The following DGKB variants were observed in gnomAD, a reference collection of about 807,000 sequenced individuals.
DGKB encodes the protein 90 kDa diacylglycerol kinase.
Under a neutral mutation model 114.3 loss-of-function variants are expected in DGKB, and 67 were observed. The ratio of observed to expected loss-of-function variants is 0.59; its 90% CI spans 0.48 to 0.72. DGKB has a LOEUF of 0.72. DGKB is among the 30% of genes least tolerant of loss of function. The pLI is 0.00. For missense variants in DGKB, 907 were observed against 975.2 expected, an observed-to-expected ratio of 0.93 and a Z score of 0.93; for synonymous variants, 398 against 323.1, an observed-to-expected ratio of 1.23 and a Z score of -2.49.
chr7:14,929,794 CCTAGA>C (rs906946976), intron 1 of DGKB, among the ~76,000 whole-genome samples: 2 of 152,004 alleles, frequency 1.3e-5, no homozygotes, highest in African/African-American at 4.8e-5. Context: ...GAATTCTTTG[CCTAGA>C]CTAATGTCCA....
At chr7:14,210,473 T>G (rs1474780511) in intron 23 of DGKB, among the ~76,000 whole-genome samples, 1 of 152,126 alleles carries the variant, frequency 6.6e-6, no homozygotes, top group Non-Finnish European at 1.5e-5. Flanking sequence ...TTTAAAATCC[T>G]ATTTCTAAAT....
chr7:14,921,249 T>A (rs1039672202), intron 1 of DGKB, among the ~76,000 whole-genome samples: 1 of 152,274 alleles, frequency 6.6e-6, no homozygotes, highest in Non-Finnish European at 1.5e-5. Flanking sequence ...TGTGGATGCA[T>A]GAAATAACAT....
intron 17 of DGKB, among the ~76,000 whole-genome samples, chr7:14,592,401 T>C (rs1343846808): frequency 6.6e-6 from 1 of 151,946 alleles, no homozygotes; most frequent in Non-Finnish European, 1.5e-5. Context: ...AGCATACTTA[T>C]CTCTGATTAT....
chr7:14,765,848 T>C (rs757575897), intron 2 of DGKB, among the ~76,000 whole-genome samples: 5 of 151,942 alleles, frequency 3.3e-5, no homozygotes, highest in Non-Finnish European at 5.9e-5. Context: ...TGTGGACCAA[T>C]AGTGTGCTGG....
At chr7:14,458,216 T>C (rs563888097) in intron 21 of DGKB, among the ~76,000 whole-genome samples, 35 of 152,292 alleles carry the variant, frequency 2.3e-4, no homozygotes, top group Admixed American at 5.9e-4. Context: ...TAAAATTAGA[T>C]CCCCAAATTT....
chr7:14,784,892 T>G (rs925102691), intron 2 of DGKB, among the ~76,000 whole-genome samples: 1 of 150,864 alleles, frequency 6.6e-6, no homozygotes, highest in African/African-American at 2.5e-5. Context: ...CTACAATATA[T>G]TCTATGTGTA....
intron 22 of DGKB, among the ~76,000 whole-genome samples, chr7:14,344,997 A>G (rs1812243316): frequency 6.6e-6 from 1 of 151,714 alleles, no homozygotes; most frequent in African/African-American, 2.4e-5. Context: ...TTTTCTTCCC[A>G]ACTACTTTTA....
chr7:14,457,225 G>A (rs1001286386), intron 21 of DGKB, among the ~76,000 whole-genome samples: 1 of 152,098 alleles, frequency 6.6e-6, no homozygotes, highest in African/African-American at 2.4e-5. Flanking sequence ...AAAAAGGACT[G>A]CGTTATTAAC....
chr7:14,876,326 A>T (rs1456050393), intron 1 of DGKB, among the ~76,000 whole-genome samples: 1 of 152,176 alleles, frequency 6.6e-6, no homozygotes, highest in Admixed American at 6.5e-5. Context: ...GTGAGCTGCT[A>T]CTCTCTGCCT....
intron 8 of DGKB, among the ~76,000 whole-genome samples, chr7:14,694,431 C>T (rs1823453085): frequency 6.6e-6 from 1 of 152,112 alleles, no homozygotes; most frequent in South Asian, 2.1e-4. Context: ...AATATTTTTC[C>T]CATGAACAGC....
At chr7:14,481,427 A>G (rs779057022) in intron 20 of DGKB, among the ~76,000 whole-genome samples, 3 of 151,950 alleles carry the variant, frequency 2.0e-5, no homozygotes, top group Non-Finnish European at 4.4e-5. Context: ...TATTGTCTTT[A>G]TAAAATGTAA....
At chr7:14,490,950 A>T (rs912068523) in intron 20 of DGKB, among the ~76,000 whole-genome samples, 6 of 146,872 alleles carry the variant, frequency 4.1e-5, no homozygotes, top group Non-Finnish European at 6.0e-5. Context: ...AATTGTGGTA[A>T]TTTTTTTTTT....
chr7:14,524,413 C>A lies in DGKB; in HGVS notation c.1771-46188G>T, dbSNP rs552881992. On this transcript the variant is annotated intron_variant, in intron 20 of 25. Transcript: ENST00000402815. ...CCCGTCTCTTGGGCTATCTTCAAAC[C>A]CTGCTTACACCTTGAGACATAGTCT... is the stretch of plus-strand genomic sequence containing the variant. Among the ~76,000 whole-genome samples the A allele has an allele frequency of 5.3e-5, 8 of 152,244 alleles. No individual in the cohort carries two copies. In the East Asian group the frequency reaches 1.5e-3, roughly 29 times the overall value.
intron 20 of DGKB, among the ~76,000 whole-genome samples, chr7:14,570,314 T>C (rs1237277381): frequency 2.6e-5 from 4 of 152,046 alleles, no homozygotes; most frequent in Non-Finnish European, 5.9e-5. Flanking sequence ...GTCTCATTTC[T>C]ATTATAGCTT....
chr7:14,602,390 A>G (rs1310347362), intron 17 of DGKB, among the ~76,000 whole-genome samples: 2 of 152,144 alleles, frequency 1.3e-5, no homozygotes, highest in African/African-American at 4.8e-5. Context: ...ATTTTGGGGG[A>G]CCCAATCCAG....
intron 1 of DGKB, among the ~76,000 whole-genome samples, chr7:14,958,216 A>C (rs1264729327): frequency 6.6e-6 from 1 of 152,058 alleles, no homozygotes; most frequent in African/African-American, 2.4e-5. Flanking sequence ...AGTTTTTCTA[A>C]GAGCTGCAAA....
intron 1 of DGKB, among the ~76,000 whole-genome samples, chr7:14,923,708 G>C (rs191428302): frequency 2.0e-5 from 3 of 152,026 alleles, no homozygotes; most frequent in African/African-American, 7.2e-5. Flanking sequence ...TAAAAGCTTT[G>C]TCCTGGCCGG....
chr7:14,964,931 C>A (rs540623059), intron 1 of DGKB, among the ~76,000 whole-genome samples: 67 of 151,916 alleles, frequency 4.4e-4, no homozygotes, highest in Non-Finnish European at 6.8e-4. Flanking sequence ...ACAATGATTA[C>A]AATTTGAATA....
intron 25 of DGKB, among the ~76,000 whole-genome samples, chr7:14,157,292 A>G (rs1353626428): frequency 1.3e-5 from 2 of 152,126 alleles, no homozygotes; most frequent in African/African-American, 2.4e-5. Flanking sequence ...GCGGGAATAA[A>G]GTACATGCTA....
Sources: allele counts gnomAD v4.1 joint callset (sites outside exome capture counted in the v4.1 genomes callset), GRCh38; gene constraint gnomAD v4.1.1; transcripts MANE v1.5; gene names NCBI Gene and HGNC (gene_info 2026-07-23, HGNC 2026-07-21).